Variants in GPC6 observed in about 807,000 individuals in gnomAD.
GPC6 encodes the protein glypican 6.
GPC6 carries 14 observed loss-of-function variants against 55.2 expected under a neutral mutation model. The observed-to-expected ratio is 0.25, with a 90% confidence interval of 0.17 to 0.40. The LOEUF is 0.40. Ranked by LOEUF, GPC6 falls within the 10% of genes least tolerant of loss-of-function variation. The pLI, the probability that GPC6 is intolerant of heterozygous loss-of-function variation, is 1.00. For synonymous variants in GPC6, 278 were observed against 259.6 expected, an observed-to-expected ratio of 1.07 and a Z score of -0.68; for missense variants, 641 against 708.5, an observed-to-expected ratio of 0.90 and a Z score of 1.08.
chr13:93,553,172 A>T (rs1875249511), intron 2 of GPC6, among the ~76,000 whole-genome samples: 1 of 152,106 alleles, frequency 6.6e-6, no homozygotes, highest in African/African-American at 2.4e-5. Flanking sequence ...CAGATTCTTT[A>T]TGTTCCTTAG....
chr13:93,757,183 A>G (rs1254952353), intron 2 of GPC6, among the ~76,000 whole-genome samples: 1 of 152,146 alleles, frequency 6.6e-6, no homozygotes, highest in East Asian at 1.9e-4. Context: ...AAGTCTCCCT[A>G]CAGGCCCATG....
rs927713572 is a variant in GPC6, at chr13:93,596,625, A to C, written c.319+51204A>C. On this transcript the variant is annotated intron_variant, in intron 2 of 8. Coordinates refer to ENST00000377047, the MANE Select transcript of GPC6 (RefSeq NM_005708.5). ...TAAATAAATAAATATATATATATAT[A>C]TATATATATAATGTATATGTGTGTA... is the stretch of plus-strand genomic sequence containing the variant. 1.0e-4 allele frequency among the ~76,000 whole-genome samples: 15 copies of C among 147,092 alleles called. No individual in the cohort carries two copies. The East Asian group carries it at 2.9e-3, about 29-fold the overall frequency.
chr13:94,373,106 A>G lies in GPC6; in HGVS notation c.1153-9308A>G, dbSNP rs576061135. On this transcript the variant is annotated intron_variant, in intron 6 of 8. Coordinates refer to ENST00000377047, the MANE Select transcript of GPC6 (RefSeq NM_005708.5). ...GACCAAAAGTAGATAAAACCACAAA[A>G]ATGGAGAAAAAACAGAACAGAAAAA... Among the ~76,000 whole-genome samples, 638 of 152,242 alleles carry G rather than the reference A, an allele frequency of 4.2e-3. 1 individual carries two copies. Among genetic ancestry groups the G allele is most frequent in the Non-Finnish European group, 5.7e-3 (390 of 68,010 alleles).
chr13:93,899,473 G>C (rs1037556317), intron 3 of GPC6, among the ~76,000 whole-genome samples: 3 of 151,934 alleles, frequency 2.0e-5, no homozygotes, highest in Non-Finnish European at 2.9e-5. Flanking sequence ...AAATTCCATG[G>C]GGGGAGAGAC....
intron 1 of GPC6, among the ~76,000 whole-genome samples, chr13:93,311,789 C>G (rs1409544915): frequency 6.6e-6 from 1 of 152,152 alleles, no homozygotes; most frequent in East Asian, 1.9e-4. Context: ...GAAGCAGTGA[C>G]AGAATCCAAA....
At chr13:94,010,634 A>G (rs1230332178) in intron 3 of GPC6, among the ~76,000 whole-genome samples, 1 of 152,174 alleles carries the variant, frequency 6.6e-6, no homozygotes, top group East Asian at 1.9e-4. Context: ...GAACTATTTA[A>G]TATCAGTGTT....
At chr13:93,986,810 G>A (rs570780945) in intron 3 of GPC6, among the ~76,000 whole-genome samples, 2 of 152,158 alleles carry the variant, frequency 1.3e-5, no homozygotes, top group African/African-American at 4.8e-5. Flanking sequence ...TGCACATTTT[G>A]GGGAGTTAAT....
At chr13:94,194,270 G>A (rs1594044527) in intron 4 of GPC6, among the ~76,000 whole-genome samples, 1 of 152,066 alleles carries the variant, frequency 6.6e-6, no homozygotes, top group Admixed American at 6.5e-5. Context: ...AAGTTTTTGG[G>A]GATAGGTATG....
intron 4 of GPC6, among the ~76,000 whole-genome samples, chr13:94,032,977 T>C (rs1449838166): frequency 6.6e-6 from 1 of 152,152 alleles, no homozygotes; most frequent in Non-Finnish European, 1.5e-5. Context: ...GTGCCTACTG[T>C]GGACTTTGTT....
intron 3 of GPC6, among the ~76,000 whole-genome samples, chr13:93,952,876 A>ATACG (rs1555344133): frequency 9.1e-6 from 1 of 109,976 alleles, no homozygotes; most frequent in Non-Finnish European, 2.1e-5. Context: ...ATATATATAC[A>ATACG]TATATATATG....
intron 2 of GPC6, among the ~76,000 whole-genome samples, chr13:93,807,963 T>C (rs1354616151): frequency 6.6e-6 from 1 of 152,192 alleles, no homozygotes; most frequent in East Asian, 1.9e-4. Context: ...AATTATAATT[T>C]TGTTTTAAAT....
chr13:93,219,325 C>T, the GPC6 span, among the ~76,000 whole-genome samples: 1 of 152,170 alleles, frequency 6.6e-6, no homozygotes, highest in Admixed American at 6.5e-5. Flanking sequence ...AACTCCTGAT[C>T]TCATGATCCA....
At chr13:93,452,471 G>A (rs1878266448) in intron 1 of GPC6, among the ~76,000 whole-genome samples, 1 of 152,162 alleles carries the variant, frequency 6.6e-6, no homozygotes, top group South Asian at 2.1e-4. Context: ...GATATCTTTT[G>A]CTTCAGCGCT....
chr13:94,093,734 T>C (rs933355188), intron 4 of GPC6, among the ~76,000 whole-genome samples: 1 of 152,126 alleles, frequency 6.6e-6, no homozygotes, highest in Non-Finnish European at 1.5e-5. Context: ...TAAGTGATTC[T>C]AAAGAATGAA....
intron 1 of GPC6, among the ~76,000 whole-genome samples, chr13:93,357,425 G>T (rs1880886946): frequency 6.6e-6 from 1 of 152,066 alleles, no homozygotes. Flanking sequence ...AAAGGAGATG[G>T]GGAAAATAGA....
chr13:94,060,682 T>C (rs1198369729), intron 4 of GPC6, among the ~76,000 whole-genome samples: 3 of 152,170 alleles, frequency 2.0e-5, no homozygotes, highest in Non-Finnish European at 4.4e-5. Flanking sequence ...CCAAGTTGCA[T>C]CTGAAGACTA....
intron 1 of GPC6, among the ~76,000 whole-genome samples, chr13:93,269,770 C>CAAAAAAAAAAAAA (rs55928643): frequency 8.7e-6 from 1 of 114,596 alleles, no homozygotes; most frequent in African/African-American, 3.3e-5. Context: ...CTAAAAATAC[C>CAAAAAAAAAAAAA]AAAAAAAAAA....
At chr13:93,977,217 C>T (rs974697855) in intron 3 of GPC6, among the ~76,000 whole-genome samples, 3 of 152,040 alleles carry the variant, frequency 2.0e-5, no homozygotes, top group South Asian at 4.1e-4. Context: ...AGGACTAGAC[C>T]ACCTTTTCAT....
At chr13:94,133,532 A>G (rs1405903411) in intron 4 of GPC6, among the ~76,000 whole-genome samples, 2 of 152,160 alleles carry the variant, frequency 1.3e-5, no homozygotes, top group Admixed American at 1.3e-4. Flanking sequence ...TCCCTTTGCA[A>G]AATGAAAATA....
Sources: gnomAD v4.1 joint callset for allele counts (sites outside exome capture counted in the v4.1 genomes callset) on GRCh38, gnomAD v4.1.1 for gene constraint, MANE v1.5 for transcripts, NCBI Gene and HGNC (gene_info 2026-07-23, HGNC 2026-07-21) for gene names.